The following ZNF385D variants were observed in gnomAD, a reference collection of about 807,000 sequenced individuals.
The protein encoded by ZNF385D is zinc finger protein 385D.
Under a neutral mutation model 35.8 loss-of-function variants are expected in ZNF385D, and 15 were observed. The ratio of observed to expected loss-of-function variants is 0.42; its 90% CI spans 0.28 to 0.64. The LOEUF is 0.64. Among genes scored for constraint, ZNF385D ranks in the 30% least tolerant of loss-of-function variants. The pLI is 0.23. For synonymous variants in ZNF385D, 212 were observed against 186.8 expected (o/e 1.13, Z -1.10); for missense variants, 474 against 494.6 (o/e 0.96, Z 0.39).
chr3:21,578,862 A>T (rs543895568), intron 2 of ZNF385D, among the ~76,000 whole-genome samples: 1 of 152,074 alleles, frequency 6.6e-6, no homozygotes, highest in Admixed American at 6.6e-5. Flanking sequence ...TTCTATTTCC[A>T]TGAAAAATAT....
At chr3:21,980,435 G>C (rs1694365780) in intron 3 of ZNF385D, among the ~76,000 whole-genome samples, 3 of 152,128 alleles carry the variant, frequency 2.0e-5, no homozygotes, top group Non-Finnish European at 4.4e-5. Context: ...TAATAATGTA[G>C]ATAATGAGTA....
chr3:22,156,513 C>G (rs956875725), intron 3 of ZNF385D, among the ~76,000 whole-genome samples: 7 of 152,000 alleles, frequency 4.6e-5, no homozygotes, highest in African/African-American at 1.7e-4. Flanking sequence ...ACTGGTAGAT[C>G]GATGACAGTT....
chr3:21,971,124 G>A (rs1216290548), intron 3 of ZNF385D, among the ~76,000 whole-genome samples: 4 of 151,854 alleles, frequency 2.6e-5, no homozygotes, highest in Non-Finnish European at 5.9e-5. Flanking sequence ...ATCATCTGAA[G>A]GTACAAAACT....
chr3:22,194,306 A>C (rs906925484), intron 2 of ZNF385D, among the ~76,000 whole-genome samples: 1 of 151,826 alleles, frequency 6.6e-6, no homozygotes, highest in Non-Finnish European at 1.5e-5. Flanking sequence ...AGATAAACGC[A>C]AACTATATTT....
chr3:21,719,490 G>A (rs145998136), intron 1 of ZNF385D, among the ~76,000 whole-genome samples: 15 of 152,246 alleles, frequency 9.9e-5, no homozygotes, highest in South Asian at 2.1e-4. Context: ...GAGAGAGCAC[G>A]CGCACTTTAA....
intron 2 of ZNF385D, among the ~76,000 whole-genome samples, chr3:22,348,197 T>C (rs1695746450): frequency 6.6e-6 from 1 of 152,176 alleles, no homozygotes; most frequent in Non-Finnish European, 1.5e-5. Context: ...GGCATTGTTA[T>C]GAGCTGACTT....
intron 3 of ZNF385D, among the ~76,000 whole-genome samples, chr3:21,559,053 T>C (rs4858334): frequency 0.89 from 134,220 of 149,980 alleles, 60,256 homozygotes; most frequent in African/African-American, 0.96. Context: ...TATTTTGAGC[T>C]TATGCGTGTT....
intron 2 of ZNF385D, among the ~76,000 whole-genome samples, chr3:21,598,206 A>T (rs375325374): frequency 2.0e-5 from 3 of 152,188 alleles, no homozygotes; most frequent in South Asian, 4.1e-4. Context: ...CTATAAAGAT[A>T]TACTTAGCTT....
intron 4 of ZNF385D, among the ~76,000 whole-genome samples, chr3:21,484,707 G>A (rs1225682070): frequency 7.2e-5 from 11 of 152,234 alleles, no homozygotes; most frequent in Middle Eastern, 6.8e-3. Flanking sequence ...TGAAGTGTCA[G>A]GGAGGAGAGG....
At chr3:21,500,401 C>T (rs1490675870) in intron 4 of ZNF385D, among the ~76,000 whole-genome samples, 1 of 152,024 alleles carries the variant, frequency 6.6e-6, no homozygotes, top group Non-Finnish European at 1.5e-5. Context: ...CATCAAGAAG[C>T]TGAAAATTTC....
intron 3 of ZNF385D, among the ~76,000 whole-genome samples, chr3:21,547,000 A>C (rs1325970878): frequency 6.6e-6 from 1 of 152,118 alleles, no homozygotes; most frequent in East Asian, 1.9e-4. Context: ...AACCAGGGAC[A>C]CTTGCTCCCC....
At chr3:21,839,518 GA>G (rs1240847725) in intron 3 of ZNF385D, among the ~76,000 whole-genome samples, 1 of 152,080 alleles carries the variant, frequency 6.6e-6, no homozygotes, top group Non-Finnish European at 1.5e-5. Context: ...TAGCTCCCAA[GA>G]AAAACTCAAA....
intron 3 of ZNF385D, among the ~76,000 whole-genome samples, chr3:22,040,506 T>G (rs1160941949): frequency 6.6e-6 from 1 of 152,178 alleles, no homozygotes; most frequent in African/African-American, 2.4e-5. Flanking sequence ...TAATTTTGAT[T>G]TTCTAAAATG....
chr3:21,536,288 G>A (rs1272100179), intron 3 of ZNF385D, among the ~76,000 whole-genome samples: 1 of 152,086 alleles, frequency 6.6e-6, no homozygotes, highest in Non-Finnish European at 1.5e-5. Flanking sequence ...TAAAACTAAT[G>A]TCCATGACCA....
chr3:21,665,749 G>A (rs574435897), intron 1 of ZNF385D, among the ~76,000 whole-genome samples: 1 of 152,240 alleles, frequency 6.6e-6, no homozygotes, highest in South Asian at 2.1e-4. Context: ...CCAGTAAGTA[G>A]CCAGCCTTTT....
chr3:21,979,330 A>C (rs1694271599), intron 3 of ZNF385D, among the ~76,000 whole-genome samples: 1 of 152,188 alleles, frequency 6.6e-6, no homozygotes, highest in African/African-American at 2.4e-5. Context: ...AATCATAACC[A>C]TATACTATTT....
rs191241391 is a variant in ZNF385D, at chr3:21,996,842, T to A, written c.325+171975A>T. Among the ~76,000 whole-genome samples, 7 of 152,310 alleles carry A rather than the reference T, an allele frequency of 4.6e-5. 1 individual carries two copies. The highest frequency in any genetic ancestry group is 7.2e-5 in the African/African-American group (3 of 41,572). ...TTAGCACATTCATTCATATTTCTATTGGAAAAAGAGAAGCGATTAATTTAT... is the reference window on the plus strand; with the variant it reads ...TTAGCACATTCATTCATATTTCTATAGGAAAAAGAGAAGCGATTAATTTAT... On this transcript the variant is annotated intron_variant, in intron 3 of 5. Coordinates refer to the ZNF385D transcript ENST00000494108.
intron 5 of ZNF385D, among the ~76,000 whole-genome samples, chr3:21,432,494 G>T (rs1001967393): frequency 6.6e-6 from 1 of 151,920 alleles, no homozygotes; most frequent in Non-Finnish European, 1.5e-5. Context: ...AACTATAAAC[G>T]ATCTCAAAGG....
chr3:22,128,239 A>G (rs1287713175), intron 3 of ZNF385D, among the ~76,000 whole-genome samples: 3 of 152,208 alleles, frequency 2.0e-5, no homozygotes, highest in African/African-American at 7.2e-5. Context: ...TGCATTGAGA[A>G]ATCTGCTGCC....
Sources: gnomAD v4.1 joint callset for allele counts (sites outside exome capture counted in the v4.1 genomes callset) on GRCh38, gnomAD v4.1.1 for gene constraint, MANE v1.5 for transcripts, NCBI Gene and HGNC (gene_info 2026-07-23, HGNC 2026-07-21) for gene names.